Variants in HEYL observed in about 807,000 individuals in gnomAD.
HEYL encodes hairy/enhancer-of-split related with YRPW motif-like protein.
HEYL carries 12 observed loss-of-function variants against 18.6 expected under a neutral mutation model. The ratio of observed to expected loss-of-function variants is 0.65; its 90% CI spans 0.41 to 1.05. The LOEUF (loss-of-function observed/expected upper bound fraction) is 1.05. Ranked by LOEUF, HEYL falls within the 50% of genes least tolerant of loss-of-function variation. HEYL has a pLI of 0.00. For synonymous variants in HEYL, 159 were observed against 179.6 expected (o/e 0.89, Z 0.91); for missense variants, 420 against 444.7 (o/e 0.94, Z 0.50).
chr1:39,628,097 T>G (rs1031621640), intron 4 of HEYL, among the ~76,000 whole-genome samples: 1 of 152,208 alleles, frequency 6.6e-6, no homozygotes, highest in Non-Finnish European at 1.5e-5. Flanking sequence ...CAGCCAGCAC[T>G]GGTCTCATGA....
Position 39,637,485 on chromosome 1 carries a change from A to T in HEYL, c.80+2061T>A, listed in dbSNP as rs182153386. On this transcript the variant is annotated intron_variant, in intron 1 of 4. Coordinates refer to ENST00000372852, the MANE Select transcript of HEYL (RefSeq NM_014571.4). ...TGAGGGCAGAGGCTGAGCAGGATAC[A>T]TCTGGGCCCCCTATGCCCAGCCCAG... is the stretch of plus-strand genomic sequence containing the variant. 3.3e-5 allele frequency among the ~76,000 whole-genome samples: 5 copies of T among 152,296 alleles called. No individual in the cohort carries two copies. In the East Asian group the frequency reaches 9.7e-4, roughly 29 times the overall value.
At chr1:39,634,606 A>G (rs1301125777) in intron 1 of HEYL, among the ~76,000 whole-genome samples, 1 of 152,164 alleles carries the variant, frequency 6.6e-6, no homozygotes, top group Non-Finnish European at 1.5e-5. Context: ...CATAACTTCT[A>G]CAACCCATCA....
At chr1:39,632,040 A>G (rs995413642) in intron 2 of HEYL, among the ~76,000 whole-genome samples, 5 of 152,334 alleles carry the variant, frequency 3.3e-5, no homozygotes, top group African/African-American at 1.2e-4. Flanking sequence ...CAATACTGGT[A>G]GCAGAACACC....
At position 39,626,321 on chromosome 1, in the gene HEYL, G is replaced by A. The variant is rs188142662; in HGVS notation, c.*186C>T. ...CAGAACAGCTCCAGGAGAGCTGGGTGGATAAGCTGGGATAACAGTGAGAAG... is the reference window on the plus strand; with the variant it reads ...CAGAACAGCTCCAGGAGAGCTGGGTAGATAAGCTGGGATAACAGTGAGAAG... On this transcript the variant is annotated 3_prime_UTR_variant, in exon 5 of 5. Coordinates refer to ENST00000372852, the MANE Select transcript of HEYL (RefSeq NM_014571.4). 161 of 583,744 alleles carry A rather than the reference G, an allele frequency of 2.8e-4. No homozygotes were observed. Among genetic ancestry groups the A allele is most frequent in the African/African-American group, 2.6e-3 (139 of 52,738 alleles). The allele number at this position is 583,744 out of a possible 1,614,324, so 36.2% of individuals were successfully genotyped here. A position where few individuals can be genotyped will look rare whatever the true frequency, so the allele number is the denominator to read the frequency against.
chr1:39,631,494 AC>A lies in HEYL; in HGVS notation c.231+1del. 6.2e-7 allele frequency: 1 copy of A among 1,613,686 alleles called. No individual in the cohort carries two copies. Among genetic ancestry groups the A allele is most frequent in the South Asian group, 1.1e-5 (1 of 91,068 alleles). On this transcript the variant is annotated splice_donor_variant, in intron 3 of 4. Transcript: ENST00000372852. LOFTEE classifies it high-confidence loss of function. Reference sequence around the variant, plus strand: ...TCTAGCACAATCAGCAATGTCACATACCTGTTTCTCAAAGGCAGTGGGGACC... The same window carrying A: ...TCTAGCACAATCAGCAATGTCACATACTGTTTCTCAAAGGCAGTGGGGACC...
At chr1:39,632,108 AGT>A (rs1385919940) in intron 2 of HEYL, among the ~76,000 whole-genome samples, 1 of 152,236 alleles carries the variant, frequency 6.6e-6, no homozygotes, top group African/African-American at 2.4e-5. Context: ...GCTGGAAGGA[AGT>A]GGTTTGCCTA....
At chr1:39,637,215 T>A (rs1419001351) in intron 1 of HEYL, among the ~76,000 whole-genome samples, 2 of 152,196 alleles carry the variant, frequency 1.3e-5, no homozygotes, top group Admixed American at 1.3e-4. Flanking sequence ...GGACTCATCC[T>A]GCGTCATGGG....
intron 2 of HEYL, 30 bp downstream of exon 2, chr1:39,632,619 G>C: frequency 6.3e-7 from 1 of 1,595,332 alleles, no homozygotes; most frequent in Non-Finnish European, 8.6e-7. Context: ...CCCTTTGTTG[G>C]TCAACTCAGA....
At position 39,631,899 on chromosome 1, in the gene HEYL, C is replaced by A. The variant is rs775958943; in HGVS notation, c.148-320G>T. On this transcript the variant is annotated intron_variant, in intron 2 of 4. Transcript: ENST00000372852. Reference sequence around the variant, plus strand: ...ACACCAGCCACGGTGCTGGAGCAGGCCCTGGAGGCCCGTGCTGGGCCAGGA... The same window carrying A: ...ACACCAGCCACGGTGCTGGAGCAGGACCTGGAGGCCCGTGCTGGGCCAGGA... Among the ~76,000 whole-genome samples, 6 of 152,340 alleles carry A rather than the reference C, an allele frequency of 3.9e-5. 1 individual carries two copies. The highest frequency in any genetic ancestry group is 6.8e-3 in the Middle Eastern group (2 of 294).
chr1:39,636,559 C>G (rs1440622080), intron 1 of HEYL, among the ~76,000 whole-genome samples: 1 of 152,136 alleles, frequency 6.6e-6, no homozygotes, highest in Non-Finnish European at 1.5e-5. Flanking sequence ...AGCCACCGTG[C>G]CCGGCCTCTA....
Position 39,624,355 on chromosome 1 carries a change from T to G in HEYL, c.*2152A>C, listed in dbSNP as rs890179738. 1 of 152,250 alleles carries G rather than the reference T, an allele frequency of 6.6e-6. No homozygotes were observed. Among genetic ancestry groups the G allele is most frequent in the Non-Finnish European group, 1.5e-5 (1 of 68,050 alleles). The allele number at this position is 152,250 out of a possible 1,614,324, so 9.4% of individuals were successfully genotyped here. On this transcript the variant is annotated 3_prime_UTR_variant, in exon 5 of 5. Transcript: ENST00000372852. ...AGTTCAACCAAGATGCTGAAAGAGC[T>G]GGATCATTCCCATCTCATTTCAGTG...
At position 39,628,371 on chromosome 1, in the gene HEYL, C is replaced by T. The variant is rs113438458; in HGVS notation, c.314-1191G>A. Among the ~76,000 whole-genome samples, 471 of 151,882 alleles carry T rather than the reference C, an allele frequency of 3.1e-3. 3 individuals are homozygous for T. Among genetic ancestry groups the T allele is most frequent in the African/African-American group, 0.011 (442 of 41,388 alleles). On this transcript the variant is annotated intron_variant, in intron 4 of 4. Transcript: ENST00000372852. Reference sequence around the variant, plus strand: ...CTTGGCTCACTGAAATCTCCGCCTCCCAGGTTCAAGAGATTCTCCTGCCTT... The same window carrying T: ...CTTGGCTCACTGAAATCTCCGCCTCTCAGGTTCAAGAGATTCTCCTGCCTT...
chr1:39,639,371 G>A (rs1348296753), intron 1 of HEYL, among the ~76,000 whole-genome samples, 175 bp downstream of exon 1: 1 of 152,120 alleles, frequency 6.6e-6, no homozygotes, highest in Admixed American at 6.5e-5. Flanking sequence ...AGGCACTCGT[G>A]CGTGTAACGG....
In HEYL at chr1:39,626,064, T is replaced by G. The variant is rs1040561492; in HGVS notation, c.*443A>C. 3.1e-5 allele frequency: 5 copies of G among 161,198 alleles called. No individual in the cohort carries two copies. Among genetic ancestry groups the G allele is most frequent in the African/African-American group, 1.2e-4 (5 of 41,750 alleles). 10.0% of individuals were successfully genotyped at this position (161,198 alleles called of 1,614,324 possible). ...AGGCAGACACTATGTTCCAGCCTCT[T>G]GGCGTGGGAAGGCTGCAGCCAGTCA... On this transcript the variant is annotated 3_prime_UTR_variant, in exon 5 of 5. Coordinates refer to ENST00000372852, the MANE Select transcript of HEYL (RefSeq NM_014571.4).
intron 1 of HEYL, chr1:39,633,579 G>A (rs147712170): frequency 5.0e-4 from 76 of 152,400 alleles, no homozygotes; most frequent in African/African-American, 1.8e-3. Context: ...GGCCTGGGTG[G>A]GTGCTGGTGC....
intron 1 of HEYL, among the ~76,000 whole-genome samples, chr1:39,634,667 C>A (rs972034717): frequency 1.5e-4 from 23 of 152,358 alleles, no homozygotes; most frequent in African/African-American, 5.3e-4. Context: ...AACATTCCTC[C>A]TCCCACTAGT....
chr1:39,635,369 T>C (rs1475570447), intron 1 of HEYL, among the ~76,000 whole-genome samples: 1 of 152,200 alleles, frequency 6.6e-6, no homozygotes, highest in Non-Finnish European at 1.5e-5. Flanking sequence ...TAAAGCGTCT[T>C]TCCGGGTATT....
intron 4 of HEYL, among the ~76,000 whole-genome samples, chr1:39,627,395 A>C (rs1646306779): frequency 6.6e-6 from 1 of 152,250 alleles, no homozygotes; most frequent in Non-Finnish European, 1.5e-5. Context: ...TGATCAATGA[A>C]TTCACTAAAC....
chr1:39,631,390 A>T lies in HEYL; in HGVS notation c.231+106T>A. On this transcript the variant is annotated intron_variant, in intron 3 of 4. Coordinates refer to ENST00000372852, the MANE Select transcript of HEYL (RefSeq NM_014571.4). ...GTGACAGATATTGGTAAATGATCAC[A>T]GCATCTCAGGCAGCTGCTACCAATC... 6 of 893,094 alleles carry T rather than the reference A, an allele frequency of 6.7e-6. No individual in the cohort carries two copies. The South Asian group carries it at 6.9e-5, about 10-fold the overall frequency. 55.3% of individuals were successfully genotyped at this position (893,094 alleles called of 1,614,324 possible). A position where few individuals can be genotyped will look rare whatever the true frequency, so the allele number is the denominator to read the frequency against.
Sources: gnomAD v4.1 joint callset for allele counts (sites outside exome capture counted in the v4.1 genomes callset) on GRCh38, gnomAD v4.1.1 for gene constraint, MANE v1.5 for transcripts, NCBI Gene and HGNC (gene_info 2026-07-23, HGNC 2026-07-21) for gene names.